Variants in GALNT18 observed in about 807,000 individuals in gnomAD.
GALNT18 encodes the protein polypeptide N-acetylgalactosaminyltransferase 18.
A neutral mutation model predicts 69.5 loss-of-function variants in GALNT18; 44 were observed. The observed-to-expected ratio is 0.63, with a 90% CI of 0.50 to 0.81. The LOEUF (loss-of-function observed/expected upper bound fraction) is 0.81, where lower values mean the gene tolerates loss of function less well. GALNT18 is among the 40% of genes least tolerant of loss of function. The probability of loss-of-function intolerance (pLI) is 0.00; values close to 1 mark genes in which losing one functional copy is unlikely to be tolerated. For missense variants in GALNT18, 715 were observed against 810.0 expected (o/e 0.88, Z 1.42); for synonymous variants, 364 against 318.2 (o/e 1.14, Z -1.53).
chr11:11,311,854 G>T (rs1486577767), intron 9 of GALNT18, among the ~76,000 whole-genome samples: 4 of 152,178 alleles, frequency 2.6e-5, no homozygotes, highest in Non-Finnish European at 2.9e-5. Flanking sequence ...TTGATTGAGG[G>T]TTTCATGTTT....
At chr11:11,467,480 T>G (rs1297287273) in intron 1 of GALNT18, among the ~76,000 whole-genome samples, 1 of 152,242 alleles carries the variant, frequency 6.6e-6, no homozygotes, top group East Asian at 1.9e-4. Flanking sequence ...GCCAGTCTGA[T>G]GGCCAGATGC....
chr11:11,295,591 A>G (rs1219228301), intron 9 of GALNT18, among the ~76,000 whole-genome samples: 1 of 152,146 alleles, frequency 6.6e-6, no homozygotes, highest in African/African-American at 2.4e-5. Context: ...ACTGGAAACC[A>G]GAGATTTCCA....
At chr11:11,371,005 G>C (rs1016952521) in intron 6 of GALNT18, among the ~76,000 whole-genome samples, 2 of 152,234 alleles carry the variant, frequency 1.3e-5, no homozygotes, top group African/African-American at 4.8e-5. Flanking sequence ...GCAGAAACGA[G>C]GGTGATTATG....
At chr11:11,561,180 CT>C (rs1858495917) in intron 1 of GALNT18, among the ~76,000 whole-genome samples, 1 of 152,092 alleles carries the variant, frequency 6.6e-6, no homozygotes, top group Admixed American at 6.6e-5. Flanking sequence ...TGCGAGGCGC[CT>C]TTTTCAGGGA....
At position 11,343,334 on chromosome 11, in the gene GALNT18, A is replaced by C. The variant is rs561769309; in HGVS notation, c.1093-2330T>G. ...CACTGCACTCCAGCCTAGGCAACAG[A>C]GTGAGACCCTGTCTCAAAAAATAAA... On this transcript the variant is annotated intron_variant, in intron 6 of 10. Coordinates refer to ENST00000227756, the MANE Select transcript of GALNT18 (RefSeq NM_198516.3). 3.2e-3 allele frequency among the ~76,000 whole-genome samples: 489 copies of C among 152,244 alleles called. 1 individual carries two copies. The highest frequency in any genetic ancestry group is 0.011 in the African/African-American group (452 of 41,526).
chr11:11,580,977 G>C (rs576621542), intron 1 of GALNT18, among the ~76,000 whole-genome samples: 1 of 152,264 alleles, frequency 6.6e-6, no homozygotes, highest in Admixed American at 6.5e-5. Flanking sequence ...CATCCTCCAC[G>C]GTGCCACCCT....
intron 1 of GALNT18, among the ~76,000 whole-genome samples, chr11:11,468,817 G>T (rs1021165898): frequency 6.6e-6 from 1 of 152,220 alleles, no homozygotes; most frequent in Admixed American, 6.5e-5. Flanking sequence ...AGATTCTACA[G>T]GTGCTGGTGC....
At chr11:11,569,247 G>GAAAAAA (rs11426572) in intron 1 of GALNT18, among the ~76,000 whole-genome samples, 1 of 136,146 alleles carries the variant, frequency 7.3e-6, no homozygotes. Context: ...AGGCTGAAGG[G>GAAAAAA]AAAAAAAAAA....
intron 10 of GALNT18, among the ~76,000 whole-genome samples, chr11:11,278,614 T>A (rs1004008414): frequency 2.6e-5 from 4 of 151,676 alleles, no homozygotes; most frequent in African/African-American, 7.3e-5. Flanking sequence ...TTAAGACAAA[T>A]TTTGCATGTT....
At chr11:11,354,456 G>A (rs1850485413) in intron 6 of GALNT18, among the ~76,000 whole-genome samples, 1 of 152,172 alleles carries the variant, frequency 6.6e-6, no homozygotes, top group Non-Finnish European at 1.5e-5. Flanking sequence ...CCCATTTGCT[G>A]AACTGGTGAC....
chr11:11,303,361 ATTGACCTTTCTTTCTCCC>A lies in GALNT18; in HGVS notation c.1513-10186_1513-10169del, dbSNP rs1418356641. On this transcript the variant is annotated intron_variant, in intron 9 of 10. Transcript: ENST00000227756. ...TAACCTGTGCATTCACATGACATGA[ATTGACCTTTCTTTCTCCC>A]TTGGCTCATGTTTCCACTGCCTTAC... Among the ~76,000 whole-genome samples the A allele has an allele frequency of 4.6e-5, 7 of 152,172 alleles. No individual in the cohort carries two copies. In the East Asian group the frequency reaches 5.8e-4, roughly 13 times the overall value.
chr11:11,479,360 G>A (rs11021873), intron 1 of GALNT18, among the ~76,000 whole-genome samples: 31,674 of 152,096 alleles, frequency 0.21, 4,027 homozygotes, highest in South Asian at 0.28. Context: ...GTGTTTTAAG[G>A]AGATAGAAAA....
At chr11:11,291,306 A>C (rs1229925023) in intron 10 of GALNT18, among the ~76,000 whole-genome samples, 1 of 148,948 alleles carries the variant, frequency 6.7e-6, no homozygotes, top group African/African-American at 2.4e-5. Context: ...AGCTTCAGTG[A>C]TGAGAAGTAA....
chr11:11,545,963 A>T (rs1042017598), intron 1 of GALNT18, among the ~76,000 whole-genome samples: 10 of 152,170 alleles, frequency 6.6e-5, no homozygotes, highest in African/African-American at 2.4e-4. Flanking sequence ...ATCACAGCAC[A>T]CCAGAAAAGA....
chr11:11,575,676 C>A (rs1485012574), intron 1 of GALNT18, among the ~76,000 whole-genome samples: 1 of 152,198 alleles, frequency 6.6e-6, no homozygotes, highest in Non-Finnish European at 1.5e-5. Flanking sequence ...AAGCTGCTCC[C>A]CTTCCTCACA....
intron 1 of GALNT18, among the ~76,000 whole-genome samples, chr11:11,556,612 A>G (rs1858338712): frequency 6.6e-6 from 1 of 152,258 alleles, no homozygotes; most frequent in African/African-American, 2.4e-5. Flanking sequence ...GCAGCTACAG[A>G]CCATGCAACT....
chr11:11,426,687 A>G (rs1855140663), intron 3 of GALNT18, among the ~76,000 whole-genome samples: 1 of 152,196 alleles, frequency 6.6e-6, no homozygotes, highest in African/African-American at 2.4e-5. Flanking sequence ...AGTTGGAGAT[A>G]CAGAGGAAAA....
intron 1 of GALNT18, chr11:11,476,581 G>A (rs1178308280): frequency 6.6e-6 from 1 of 152,238 alleles, no homozygotes; most frequent in Non-Finnish European, 1.5e-5. Context: ...CGGTGACAAG[G>A]ATGAGCTATC....
rs78855060 is a variant in GALNT18 at position 11,502,854 on chromosome 11, C to T, written c.236-53918G>A. On this transcript the variant is annotated intron_variant, in intron 1 of 10. Coordinates refer to ENST00000227756, the MANE Select transcript of GALNT18 (RefSeq NM_198516.3). ...ATTCCTTCCCAGCTCCAGTCCTTAA[C>T]GCTCTCCGAATGAAGGGCACTTTCC... Among the ~76,000 whole-genome samples, 636 of 152,270 alleles carry T rather than the reference C, an allele frequency of 4.2e-3. 5 individuals are homozygous for T. The highest frequency in any genetic ancestry group is 0.013 in the African/African-American group (560 of 41,550).
Sources: allele counts gnomAD v4.1 joint callset (sites outside exome capture counted in the v4.1 genomes callset), GRCh38; gene constraint gnomAD v4.1.1; transcripts MANE v1.5; gene names NCBI Gene and HGNC (gene_info 2026-07-23, HGNC 2026-07-21).